Variants in MCPH1 observed in about 807,000 individuals in gnomAD.
The protein encoded by MCPH1 is microcephalin 1.
Under a neutral mutation model 84.5 loss-of-function variants are expected in MCPH1, and 104 were observed. That is an observed-to-expected ratio of 1.23 (90% CI 1.05 to 1.45). The LOEUF is 1.45. Among genes scored for constraint, MCPH1 ranks in the 40% most tolerant of loss-of-function variants. The pLI, the probability that MCPH1 is intolerant of heterozygous loss-of-function variation, is 0.00. For synonymous variants in MCPH1, 514 were observed against 366.8 expected (o/e 1.40, Z -4.58); for missense variants, 1,498 against 1,005.7 (o/e 1.49, Z -6.62).
At chr8:6,448,993 G>T (rs987031473) in intron 8 of MCPH1, among the ~76,000 whole-genome samples, 3 of 151,960 alleles carry the variant, frequency 2.0e-5, no homozygotes, top group African/African-American at 7.3e-5. Flanking sequence ...AAAATAATTT[G>T]TGGTGGGGGA....
chr8:6,412,317 A>G (rs1356258917), intron 2 of MCPH1, among the ~76,000 whole-genome samples: 1 of 152,250 alleles, frequency 6.6e-6, no homozygotes, highest in East Asian at 1.9e-4. Context: ...AAGCCGTTAG[A>G]CAAGTGAGTT....
At chr8:6,408,480 G>A (rs1798060826) in intron 1 of MCPH1, among the ~76,000 whole-genome samples, 3 of 151,690 alleles carry the variant, frequency 2.0e-5, no homozygotes. Context: ...CCTCCACCTT[G>A]CAAAATGCTG....
At chr8:6,415,706 C>T (rs1271245778) in intron 3 of MCPH1, among the ~76,000 whole-genome samples, 3 of 152,186 alleles carry the variant, frequency 2.0e-5, no homozygotes, top group Non-Finnish European at 2.9e-5. Flanking sequence ...TTGGGAAGTA[C>T]GAGTCCTGTA....
rs572375877 is a variant in MCPH1, at chr8:6,457,834, C to T, written c.1935+2582C>T. ...TAATCCAGTCCTTATTAGTGTTCAC[C>T]GCACAGCCTTTGCTTGAATGAATCA... On this transcript the variant is annotated intron_variant, in intron 9 of 13. Transcript: ENST00000344683. Among the ~76,000 whole-genome samples, 28 of 151,930 alleles carry T rather than the reference C, an allele frequency of 1.8e-4. No homozygotes were observed. The South Asian group carries it at 2.9e-3, about 16-fold the overall frequency.
intron 12 of MCPH1, chr8:6,616,571 C>T (rs1016896189): frequency 1.5e-4 from 23 of 152,380 alleles, no homozygotes; most frequent in East Asian, 9.6e-4. Context: ...CCTTAACTGA[C>T]GGACTTTCCT....
At chr8:6,593,271 T>A (rs1200325516) in intron 12 of MCPH1, among the ~76,000 whole-genome samples, 1 of 151,298 alleles carries the variant, frequency 6.6e-6, no homozygotes, top group African/African-American at 2.4e-5. Context: ...TTAATAGAGA[T>A]GGGATTTCTC....
chr8:6,419,393 A>AG (rs113136433), intron 3 of MCPH1, among the ~76,000 whole-genome samples: 145,459 of 150,552 alleles, frequency 0.97, 70,454 homozygotes, highest in South Asian at 1. Context: ...GCCATTAAAA[A>AG]ATTTTTTTTT....
intron 12 of MCPH1, among the ~76,000 whole-genome samples, chr8:6,503,670 C>T (rs536489811): frequency 3.3e-5 from 5 of 152,250 alleles, no homozygotes; most frequent in African/African-American, 1.2e-4. Flanking sequence ...CTCAGGCTCC[C>T]CTTGCTCTAT....
chr8:6,406,801 G>T lies in MCPH1; in HGVS notation c.22+112G>T, dbSNP rs1797759178. 5 of 1,218,818 alleles carry T rather than the reference G, an allele frequency of 4.1e-6. No homozygotes were observed. In the Admixed American group the frequency reaches 7.8e-5, roughly 19 times the overall value. The allele number at this position is 1,218,818 out of a possible 1,614,324, so 75.5% of individuals were successfully genotyped here. ...GAGGAGCCCCGCTCGCCCCTCCCTC[G>T]CTGCCTGTCTCCCCCAGACCCCCTG... On this transcript the variant is annotated intron_variant, in intron 1 of 13. Coordinates refer to ENST00000344683, the MANE Select transcript of MCPH1 (RefSeq NM_024596.5).
intron 12 of MCPH1, among the ~76,000 whole-genome samples, chr8:6,608,236 C>G (rs1018070023): frequency 1.3e-5 from 2 of 152,210 alleles, no homozygotes; most frequent in African/African-American, 4.8e-5. Flanking sequence ...CCTCACCTGC[C>G]CGTGCTTACC....
intron 9 of MCPH1, among the ~76,000 whole-genome samples, chr8:6,465,071 A>G (rs1195456279): frequency 2.0e-5 from 3 of 152,218 alleles, no homozygotes; most frequent in Admixed American, 6.5e-5. Flanking sequence ...TGGAGGCCCA[A>G]TTTAAATAGT....
intron 11 of MCPH1, among the ~76,000 whole-genome samples, chr8:6,483,981 C>A (rs1410625067): frequency 6.6e-6 from 1 of 152,074 alleles, no homozygotes; most frequent in Admixed American, 6.6e-5. Flanking sequence ...TATAAAACTT[C>A]TATAAGTAAA....
chr8:6,484,140 C>T (rs957762377), intron 11 of MCPH1, among the ~76,000 whole-genome samples: 1 of 152,084 alleles, frequency 6.6e-6, no homozygotes, highest in Non-Finnish European at 1.5e-5. Flanking sequence ...CAGAAGAAAA[C>T]GTTTGCAAAT....
chr8:6,501,156 T>A (rs1011324106), intron 12 of MCPH1: 3 of 152,196 alleles, frequency 2.0e-5, no homozygotes, highest in African/African-American at 7.2e-5. Context: ...AAAGTGCACC[T>A]TGGTGGAAAT....
intron 12 of MCPH1, among the ~76,000 whole-genome samples, chr8:6,618,069 G>A (rs994973782): frequency 5.9e-5 from 9 of 152,186 alleles, no homozygotes; most frequent in Non-Finnish European, 7.3e-5. Flanking sequence ...ACTTTGCCCA[G>A]CTGAAGTTAG....
rs149821175 is a variant in MCPH1 at position 6,485,386 on chromosome 8, TG to T, written c.2136+4512del. Among the ~76,000 whole-genome samples the T allele has an allele frequency of 2.6e-5, 4 of 152,268 alleles. No individual in the cohort carries two copies. In the East Asian group the frequency reaches 7.7e-4, roughly 29 times the overall value. On this transcript the variant is annotated intron_variant, in intron 11 of 13. Coordinates refer to ENST00000344683, the MANE Select transcript of MCPH1 (RefSeq NM_024596.5). ...TTTCCAAATGGAGATGTTTGAGCAC[TG>T]GTAGGACCGGGCTAGTGTCTTGGTT... is the stretch of plus-strand genomic sequence containing the variant.
chr8:6,562,552 C>CTTTTTTGTTTTTTTTT (rs1825703377), intron 12 of MCPH1: 1 of 71,748 alleles, frequency 1.4e-5, no homozygotes, highest in Non-Finnish European at 2.6e-5. Flanking sequence ...CATCCTCCTT[C>CTTTTTTGTTTTTTTTT]TTTTTTTTTT....
intron 12 of MCPH1, among the ~76,000 whole-genome samples, chr8:6,534,628 G>A (rs181374210): frequency 5.9e-5 from 9 of 151,952 alleles, no homozygotes; most frequent in African/African-American, 1.7e-4. Flanking sequence ...AAAAATTAAA[G>A]TATTAAAAAA....
At chr8:6,504,798 TA>T (rs1254759537) in intron 12 of MCPH1, among the ~76,000 whole-genome samples, 1 of 152,192 alleles carries the variant, frequency 6.6e-6, no homozygotes, top group Non-Finnish European at 1.5e-5. Flanking sequence ...GTTTACAAAC[TA>T]AACTTTGTAA....
Sources: allele counts gnomAD v4.1 joint callset (sites outside exome capture counted in the v4.1 genomes callset), GRCh38; gene constraint gnomAD v4.1.1; transcripts MANE v1.5; gene names NCBI Gene and HGNC (gene_info 2026-07-23, HGNC 2026-07-21).